SENP7: variants seen among roughly 807,000 people sequenced by gnomAD.
The protein encoded by SENP7 is SUMO specific peptidase 7.
In SENP7, 64 loss-of-function variants were observed where a neutral mutation model predicts 141.2. The ratio of observed to expected loss-of-function variants is 0.45; its 90% confidence interval spans 0.37 to 0.56. SENP7 has a LOEUF of 0.56. Among genes scored for constraint, SENP7 ranks in the 20% least tolerant of loss-of-function variants. The pLI is 0.00. For synonymous variants in SENP7, 382 were observed against 426.4 expected (o/e 0.90, Z 1.28); for missense variants, 1,025 against 1,212.2 (o/e 0.85, Z 2.29).
At chr3:101,347,023 G>A (rs1025652579) in intron 13 of SENP7, among the ~76,000 whole-genome samples, 3 of 151,616 alleles carry the variant, frequency 2.0e-5, no homozygotes, top group African/African-American at 7.3e-5. Flanking sequence ...GGAGGAGGAA[G>A]AAAATGGAAG....
At chr3:101,479,487 T>A (rs1225828011) in intron 3 of SENP7, among the ~76,000 whole-genome samples, 1 of 151,970 alleles carries the variant, frequency 6.6e-6, no homozygotes, top group Non-Finnish European at 1.5e-5. Flanking sequence ...GTGCCTGTAG[T>A]CCCAGCTACT....
rs1453952615 is a variant in SENP7 at position 101,493,875 on chromosome 3, G to A, written c.184C>T (p.Gln62Ter). ...AATAAATTAATTTTATTTACCACCT[G>A]CAAAGGGAGAGTCCAGCGTTCTGAG... Reference protein sequence around the residue: ...RSSERWTLPLQWERSLRNKVI... With the variant: ...RSSERWTLPL Residue 62 changes from glutamine (Q) to a stop codon, truncating the protein, a stop_gained and splice_region_variant, in exon 3 of 24, where the codon CAG becomes TAG. Transcript: ENST00000394095. LOFTEE classifies it high-confidence loss of function. The A allele has an allele frequency of 1.3e-6, 2 of 1,568,496 alleles. No individual in the cohort carries two copies. The highest frequency in any genetic ancestry group is 1.7e-6 in the Non-Finnish European group (2 of 1,143,872).
chr3:101,417,565 T>A (rs1369348303), intron 5 of SENP7, 28 bp downstream of exon 5: 2 of 1,563,246 alleles, frequency 1.3e-6, no homozygotes, highest in Non-Finnish European at 1.8e-6. Context: ...TGTGGTAAGT[T>A]GAACAAAATC....
chr3:101,478,885 A>C (rs2064332528), intron 3 of SENP7, among the ~76,000 whole-genome samples: 2 of 152,222 alleles, frequency 1.3e-5, no homozygotes. Flanking sequence ...CAGAGATGCA[A>C]GAATGGTTCA....
At chr3:101,477,211 C>T (rs1317574228) in intron 3 of SENP7, among the ~76,000 whole-genome samples, 3 of 151,828 alleles carry the variant, frequency 2.0e-5, no homozygotes, top group East Asian at 1.9e-4. Context: ...TAAAACCTCA[C>T]CAAATTTTTA....
At chr3:101,470,870 G>A (rs1159077885) in intron 3 of SENP7, among the ~76,000 whole-genome samples, 2 of 152,028 alleles carry the variant, frequency 1.3e-5, no homozygotes, top group Non-Finnish European at 2.9e-5. Flanking sequence ...GACAAACAAA[G>A]AGCCAAATCA....
rs75517310 is a variant in SENP7 at position 101,480,346 on chromosome 3, A to G, written c.186+13527T>C. On this transcript the variant is annotated intron_variant, in intron 3 of 23. Transcript: ENST00000394095. Reference sequence around the variant, plus strand: ...GACCCACAGAGCAATGGAACAGAATAAAGAACTCATAAATAAATCCACGTA... The same window carrying G: ...GACCCACAGAGCAATGGAACAGAATGAAGAACTCATAAATAAATCCACGTA... 4.8e-3 allele frequency among the ~76,000 whole-genome samples: 733 copies of G among 152,316 alleles called. 5 individuals carry two copies. Among genetic ancestry groups the G allele is most frequent in the African/African-American group, 0.017 (694 of 41,580 alleles).
chr3:101,406,489 G>A (rs540987631), intron 5 of SENP7, among the ~76,000 whole-genome samples: 27 of 151,654 alleles, frequency 1.8e-4, no homozygotes, highest in African/African-American at 5.8e-4. Context: ...TGTAAATGAC[G>A]AGTTAATGGG....
At chr3:101,499,246 T>C (rs1176015537) in intron 2 of SENP7, among the ~76,000 whole-genome samples, 1 of 152,194 alleles carries the variant, frequency 6.6e-6, no homozygotes. Context: ...ATTGCATGAA[T>C]AATGCAATAG....
At chr3:101,408,909 A>G (rs2061378434) in intron 5 of SENP7, among the ~76,000 whole-genome samples, 1 of 152,214 alleles carries the variant, frequency 6.6e-6, no homozygotes, top group Admixed American at 6.5e-5. Context: ...CCTCTTCAAC[A>G]TAGTACTGGA....
chr3:101,384,700 G>C (rs536479748), intron 6 of SENP7, among the ~76,000 whole-genome samples: 1 of 152,206 alleles, frequency 6.6e-6, no homozygotes, highest in East Asian at 1.9e-4. Context: ...TATGGAATCC[G>C]GGCCAGTAGT....
At chr3:101,473,211 T>G (rs1410665270) in intron 3 of SENP7, among the ~76,000 whole-genome samples, 4 of 152,242 alleles carry the variant, frequency 2.6e-5, no homozygotes, top group Non-Finnish European at 4.4e-5. Flanking sequence ...GCATGTGTCT[T>G]TATAATAGAA....
intron 5 of SENP7, among the ~76,000 whole-genome samples, chr3:101,404,362 C>T (rs2061237865): frequency 6.6e-6 from 1 of 151,912 alleles, no homozygotes; most frequent in Admixed American, 6.6e-5. Flanking sequence ...AAAGAACTAG[C>T]CATATGCAAA....
chr3:101,356,997 T>A (rs1279226764), intron 11 of SENP7, among the ~76,000 whole-genome samples: 1 of 152,144 alleles, frequency 6.6e-6, no homozygotes, highest in Non-Finnish European at 1.5e-5. Context: ...TTTTATTAAC[T>A]ATGAACATTC....
chr3:101,472,566 G>T (rs2064045841), intron 3 of SENP7, among the ~76,000 whole-genome samples: 2 of 151,660 alleles, frequency 1.3e-5, no homozygotes, highest in African/African-American at 4.8e-5. Flanking sequence ...TGAGTTGATG[G>T]GTGCAGCAAA....
chr3:101,382,372 C>T (rs1464400824), intron 6 of SENP7, among the ~76,000 whole-genome samples: 2 of 152,036 alleles, frequency 1.3e-5, no homozygotes, highest in Admixed American at 1.3e-4. Flanking sequence ...TTTGTAGAGA[C>T]AGGGTCTTGC....
intron 4 of SENP7, among the ~76,000 whole-genome samples, chr3:101,450,124 C>A (rs940899516): frequency 9.2e-5 from 14 of 152,170 alleles, no homozygotes; most frequent in East Asian, 1.9e-4. Flanking sequence ...AAGGCCATTG[C>A]ATAATGGTAA....
At chr3:101,362,025 G>GA (rs1486506367) in intron 10 of SENP7, among the ~76,000 whole-genome samples, 164 bp from the exon 11 acceptor site, 2 of 151,574 alleles carry the variant, frequency 1.3e-5, no homozygotes, top group Non-Finnish European at 2.9e-5. Flanking sequence ...TTTTTTTTCT[G>GA]AAAAAATATA....
At chr3:101,461,780 A>G (rs2063555096) in intron 3 of SENP7, among the ~76,000 whole-genome samples, 1 of 152,242 alleles carries the variant, frequency 6.6e-6, no homozygotes, top group Non-Finnish European at 1.5e-5. Context: ...AGATGAACAG[A>G]TAAACAAATG....
Sources: allele counts gnomAD v4.1 joint callset (sites outside exome capture counted in the v4.1 genomes callset), GRCh38; gene constraint gnomAD v4.1.1; transcripts MANE v1.5; gene names NCBI Gene and HGNC (gene_info 2026-07-23, HGNC 2026-07-21).